Variants in CCDC170 observed in about 807,000 individuals in gnomAD.
The protein encoded by CCDC170 is coiled-coil domain-containing protein 170.
CCDC170 carries 69 observed loss-of-function variants against 72.6 expected under a neutral mutation model. The ratio of observed to expected loss-of-function variants is 0.95; its 90% confidence interval spans 0.78 to 1.16. The LOEUF is 1.16. Among genes scored for constraint, CCDC170 ranks in the 50% most tolerant of loss-of-function variants. The pLI is 0.00. For synonymous variants in CCDC170, 300 were observed against 303.9 expected (o/e 0.99, Z 0.13); for missense variants, 852 against 832.5 (o/e 1.02, Z -0.29).
intron 6 of CCDC170, among the ~76,000 whole-genome samples, chr6:151,573,972 G>A (rs1215367463): frequency 6.6e-6 from 1 of 152,244 alleles, no homozygotes; most frequent in Non-Finnish European, 1.5e-5. Flanking sequence ...GGCCAGGCCT[G>A]GTGGCCTAGG....
At chr6:151,593,518 T>C (rs57739865) in intron 8 of CCDC170, among the ~76,000 whole-genome samples, 2,828 of 152,280 alleles carry the variant, frequency 0.019, 92 homozygotes, top group African/African-American at 0.065. Flanking sequence ...CTTAAGCAAG[T>C]AAAAGTTTTT....
chr6:151,620,966 C>T lies in CCDC170; in HGVS notation c.*2819C>T, dbSNP rs1229592897. 1 of 152,046 alleles carries T rather than the reference C, an allele frequency of 6.6e-6. No individual in the cohort carries two copies. Among genetic ancestry groups the T allele is most frequent in the Non-Finnish European group, 1.5e-5 (1 of 68,032 alleles). 9.4% of individuals were successfully genotyped at this position (152,046 alleles called of 1,614,324 possible). ...TTTATATAATATTTCCACTGTGTGA[C>T]TCTAGTGATCTTTAACATACACAGA... On this transcript the variant is annotated 3_prime_UTR_variant, in exon 11 of 11. Transcript: ENST00000239374.
chr6:151,567,981 C>T (rs932545331), intron 5 of CCDC170, among the ~76,000 whole-genome samples: 21 of 20,426 alleles, frequency 1.0e-3, no homozygotes, highest in East Asian at 0.021. Context: ...CATGGTGGCA[C>T]GCACCTGTAC....
At chr6:151,549,877 C>A (rs1483233446) in intron 5 of CCDC170, among the ~76,000 whole-genome samples, 1 of 152,226 alleles carries the variant, frequency 6.6e-6, no homozygotes, top group Non-Finnish European at 1.5e-5. Context: ...ATATACTATA[C>A]ATTATTGTCA....
intron 8 of CCDC170, among the ~76,000 whole-genome samples, chr6:151,595,713 C>T (rs774923002): frequency 9.9e-5 from 15 of 151,896 alleles, no homozygotes; most frequent in East Asian, 7.7e-4. Context: ...GCTACTTGGG[C>T]GGCTGAGAGG....
chr6:151,510,381 CA>C (rs1273592079), intron 1 of CCDC170, among the ~76,000 whole-genome samples: 1 of 152,038 alleles, frequency 6.6e-6, no homozygotes, highest in Admixed American at 6.6e-5. Context: ...TTATTTATTA[CA>C]GTAAAAACTG....
intron 3 of CCDC170, among the ~76,000 whole-genome samples, chr6:151,538,734 G>C (rs1328840480): frequency 6.6e-6 from 1 of 152,158 alleles, no homozygotes; most frequent in East Asian, 1.9e-4. Context: ...TTTATGCAGA[G>C]AACTCATGAA....
Position 151,537,914 on chromosome 6 carries a change from A to G in CCDC170, c.187-131A>G, listed in dbSNP as rs1212202216. On this transcript the variant is annotated intron_variant, in intron 2 of 10. Coordinates refer to ENST00000239374, the MANE Select transcript of CCDC170 (RefSeq NM_025059.4). The stretch of plus-strand genomic sequence containing the variant: ...TTGGTAATACAGATACAAATATTAG[A>G]AAAAAAATAAAGTTAGATTAAGTCA... 4.5e-6 allele frequency: 4 copies of G among 880,142 alleles called. No individual in the cohort carries two copies. The East Asian group carries it at 7.9e-5, about 17-fold the overall frequency. The allele number at this position is 880,142 out of a possible 1,614,324, so 54.5% of individuals were successfully genotyped here.
intron 9 of CCDC170, among the ~76,000 whole-genome samples, chr6:151,605,453 G>C (rs1273497643): frequency 6.6e-6 from 1 of 152,146 alleles, no homozygotes; most frequent in East Asian, 1.9e-4. Flanking sequence ...TTCTGATTTG[G>C]CATTTCCTTC....
At position 151,617,408 on chromosome 6, in the gene CCDC170, CTTTTTTTTTTTTTTTTTTTTTTTTTTTT is replaced by C. The variant is rs745655791; in HGVS notation, c.1948-521_1948-494del. ...AGCTTATACTTTCTTGCTGTTTGTT[CTTTTTTTTTTTTTTTTTTTTTTTTTTTT>C]TTTTTTTTTTTTTTTTTAGTGTAAG... is the stretch of plus-strand genomic sequence containing the variant. On this transcript the variant is annotated intron_variant, in intron 10 of 10. Transcript: ENST00000239374. Among the ~76,000 whole-genome samples the C allele has an allele frequency of 8.3e-4, 76 of 91,442 alleles. 1 individual carries two copies. Among genetic ancestry groups the C allele is most frequent in the Middle Eastern group, 5.7e-3 (1 of 176 alleles). 60.0% of individuals were successfully genotyped at this position (91,442 alleles called of 152,430 possible).
chr6:151,534,069 T>C (rs63189161), intron 1 of CCDC170, among the ~76,000 whole-genome samples: 1 of 43,428 alleles, frequency 2.3e-5, no homozygotes, highest in African/African-American at 4.6e-5. Flanking sequence ...CATTCATTCC[T>C]TTTTTTTTTT....
At chr6:151,531,863 T>C (rs1782494976) in intron 1 of CCDC170, among the ~76,000 whole-genome samples, 1 of 152,180 alleles carries the variant, frequency 6.6e-6, no homozygotes, top group Non-Finnish European at 1.5e-5. Flanking sequence ...TCAGATCTCA[T>C]GGGAACTCAC....
chr6:151,603,282 A>C (rs1201737418), intron 9 of CCDC170, among the ~76,000 whole-genome samples: 1 of 151,782 alleles, frequency 6.6e-6, no homozygotes, highest in Non-Finnish European at 1.5e-5. Context: ...TGGCATGTTT[A>C]AAGTTTGTTT....
At chr6:151,516,844 G>A (rs1352068003) in intron 1 of CCDC170, among the ~76,000 whole-genome samples, 2 of 152,148 alleles carry the variant, frequency 1.3e-5, no homozygotes, top group Non-Finnish European at 2.9e-5. Flanking sequence ...TATGCAAATG[G>A]AGTCTTTGCC....
At chr6:151,585,653 A>C (rs1209400864) in intron 6 of CCDC170, among the ~76,000 whole-genome samples, 1 of 152,242 alleles carries the variant, frequency 6.6e-6, no homozygotes, top group Non-Finnish European at 1.5e-5. Context: ...TTAACCTGAT[A>C]AAAGAATTAT....
intron 9 of CCDC170, among the ~76,000 whole-genome samples, chr6:151,606,370 C>T (rs1776785095): frequency 6.6e-6 from 1 of 152,030 alleles, no homozygotes; most frequent in African/African-American, 2.4e-5. Flanking sequence ...TAATTTCTTC[C>T]TTGACTCCAT....
At chr6:151,543,374 T>G (rs1162841076) in intron 3 of CCDC170, among the ~76,000 whole-genome samples, 2 of 152,208 alleles carry the variant, frequency 1.3e-5, no homozygotes, top group East Asian at 3.8e-4. Flanking sequence ...GATATTTTGA[T>G]ACATGTATAC....
In CCDC170 at chr6:151,546,967, G is replaced by A. The variant is rs191869316; in HGVS notation, c.589-1337G>A. 1.9e-3 allele frequency among the ~76,000 whole-genome samples: 290 copies of A among 150,124 alleles called. 4 individuals carry two copies. Among genetic ancestry groups the A allele is most frequent in the Non-Finnish European group, 2.2e-4 (15 of 67,824 alleles). ...TAGGAATCTGGAGCTTTGGCATCTC[G>A]GCCACGTGAGCAGGTGCCTGTCTTA... is the stretch of plus-strand genomic sequence containing the variant. On this transcript the variant is annotated intron_variant, in intron 4 of 10. Transcript: ENST00000239374.
intron 1 of CCDC170, among the ~76,000 whole-genome samples, chr6:151,533,873 T>C (rs1315150148): frequency 6.6e-6 from 1 of 152,156 alleles, no homozygotes; most frequent in Non-Finnish European, 1.5e-5. Flanking sequence ...GAGTAGGCTA[T>C]CAGTAAATAC....
Sources: gnomAD v4.1 joint callset for allele counts (sites outside exome capture counted in the v4.1 genomes callset) on GRCh38, gnomAD v4.1.1 for gene constraint, MANE v1.5 for transcripts, NCBI Gene and HGNC (gene_info 2026-07-23, HGNC 2026-07-21) for gene names.